Variants in ALDH18A1 observed in about 807,000 individuals in gnomAD.
The protein encoded by ALDH18A1 is aldehyde dehydrogenase 18 family member A1, also known as delta-1-pyrroline-5-carboxylate synthase.
ALDH18A1 carries 44 observed loss-of-function variants against 88.8 expected under a neutral mutation model. The observed-to-expected ratio is 0.50, with a 90% CI of 0.39 to 0.64. The LOEUF (loss-of-function observed/expected upper bound fraction) is 0.64. Ranked by LOEUF, ALDH18A1 falls within the 30% of genes least tolerant of loss-of-function variation. The pLI is 0.00. For synonymous variants in ALDH18A1, 331 were observed against 372.1 expected, an observed-to-expected ratio of 0.89 and a Z score of 1.27; for missense variants, 782 against 1,009.5, an observed-to-expected ratio of 0.77 and a Z score of 3.05.
rs1342736341 is a variant in ALDH18A1 at position 95,633,597 on chromosome 10, T to C, written c.611A>G (p.Asn204Ser). 1.1e-5 allele frequency: 17 copies of C among 1,613,990 alleles called. No homozygotes were observed. The highest frequency in any genetic ancestry group is 2.2e-5 in the East Asian group (1 of 44,896). Residue 204 changes from asparagine (N) to serine (S), a missense_variant, in exon 6 of 18, where the codon AAT becomes AGT. Around this residue, in one of 3 missense-constraint regions of ALDH18A1, gnomAD observed 132 missense variants for 255.5 expected, o/e 0.52. Transcript: ENST00000371224. The stretch of plus-strand genomic sequence containing the variant: ...TCTAAGGAGTTCATGAAGTGTTCCA[T>C]TGAGGTTCCGGCGCTTCTGCTCATC... Reference protein sequence around the residue: ...FHDEQKRRNLNGTLHELLRMN... With the variant: ...FHDEQKRRNLSGTLHELLRMN...
At chr10:95,621,614 A>G (rs1334550750) in intron 11 of ALDH18A1, among the ~76,000 whole-genome samples, 1 of 151,944 alleles carries the variant, frequency 6.6e-6, no homozygotes, top group Non-Finnish European at 1.5e-5. Context: ...GCCTGGCCCA[A>G]CTGATGTGTC....
intron 3 of ALDH18A1, among the ~76,000 whole-genome samples, chr10:95,642,418 A>T (rs1381509539): frequency 6.6e-6 from 1 of 152,194 alleles, no homozygotes; most frequent in African/African-American, 2.4e-5. Context: ...GTTGGAAACC[A>T]GCCTGAGCAA....
chr10:95,653,295 C>G lies in ALDH18A1; in HGVS notation c.83G>C (p.Arg28Thr). 1.2e-6 allele frequency: 2 copies of G among 1,611,966 alleles called. No individual in the cohort carries two copies. Among genetic ancestry groups the G allele is most frequent in the Non-Finnish European group, 1.7e-6 (2 of 1,179,376 alleles). Residue 28 changes from arginine (R) to threonine (T), a missense_variant, in exon 2 of 18, where the codon AGA (arginine) becomes ACA (threonine). Arg to Thr is a moderately conservative substitution (Grantham distance 71). Coordinates refer to ENST00000371224, the MANE Select transcript of ALDH18A1 (RefSeq NM_002860.4). ...AAGTTTTCTATGGTACATACGAGAT[C>G]TGAAGACGGTTGTACACTTGACCCA... Reference protein sequence around the residue: ...LPWVKCTTVFRSHCIQPSVIR... With the variant: ...LPWVKCTTVFTSHCIQPSVIR...
chr10:95,618,116 G>A (rs2097846849), intron 12 of ALDH18A1, among the ~76,000 whole-genome samples: 1 of 152,092 alleles, frequency 6.6e-6, no homozygotes, highest in African/African-American at 2.4e-5. Context: ...GAGACTTTGG[G>A]GCTAGTGCAA....
chr10:95,616,782 T>A (rs1026246503), intron 12 of ALDH18A1, 168 bp from the exon 13 acceptor site: 5 of 918,912 alleles, frequency 5.4e-6, no homozygotes, highest in Middle Eastern at 5.8e-4. Flanking sequence ...GCCTGTTTTA[T>A]CCCCTACTTT....
At chr10:95,636,163 CAG>C (rs2097880258) in intron 5 of ALDH18A1, among the ~76,000 whole-genome samples, 1 of 152,068 alleles carries the variant, frequency 6.6e-6, no homozygotes, top group Non-Finnish European at 1.5e-5. Flanking sequence ...AAAAAAGTAA[CAG>C]GAAATGAAGA....
At chr10:95,653,208 T>C in intron 2 of ALDH18A1, 82 bp downstream of exon 2, 5 of 1,321,438 alleles carry the variant, frequency 3.8e-6, no homozygotes, top group Non-Finnish European at 5.5e-6. Context: ...AACAAACATC[T>C]TTTTTCTCTT....
At chr10:95,649,834 T>C (rs1018862477) in intron 2 of ALDH18A1, among the ~76,000 whole-genome samples, 3 of 151,472 alleles carry the variant, frequency 2.0e-5, no homozygotes, top group Non-Finnish European at 2.9e-5. Context: ...TGAGTAATGA[T>C]TGCACCACTG....
intron 5 of ALDH18A1, among the ~76,000 whole-genome samples, chr10:95,635,705 G>A (rs1012056156): frequency 6.6e-6 from 1 of 152,202 alleles, no homozygotes; most frequent in African/African-American, 2.4e-5. Context: ...GGGAACTGGA[G>A]GGGGCAGGGC....
chr10:95,621,749 C>A (rs893842617), intron 11 of ALDH18A1, among the ~76,000 whole-genome samples: 1 of 152,010 alleles, frequency 6.6e-6, no homozygotes, highest in African/African-American at 2.4e-5. Flanking sequence ...AAGCTGTGTA[C>A]CCTGATACCC....
intron 13 of ALDH18A1, among the ~76,000 whole-genome samples, chr10:95,615,921 G>C (rs2097843426): frequency 6.6e-6 from 1 of 152,186 alleles, no homozygotes; most frequent in South Asian, 2.1e-4. Context: ...TGGGACTGCT[G>C]TGACGATCAA....
intron 5 of ALDH18A1, among the ~76,000 whole-genome samples, 187 bp from the exon 6 acceptor site, chr10:95,633,836 A>ATTTTTT (rs2097875581): frequency 2.0e-5 from 1 of 48,876 alleles, no homozygotes; most frequent in Admixed American, 2.1e-4. Context: ...TTTTTTTTTG[A>ATTTTTT]GACAGGGTCT....
At position 95,626,632 on chromosome 10, in the gene ALDH18A1, T is replaced by C. The variant is rs534968225; in HGVS notation, c.1152+71A>G. 2.1e-6 allele frequency: 3 copies of C among 1,451,524 alleles called. No homozygotes were observed. The East Asian group carries it at 6.9e-5, about 33-fold the overall frequency. The allele number at this position is 1,451,524 out of a possible 1,614,324, so 89.9% of individuals were successfully genotyped here. On this transcript the variant is annotated intron_variant, in intron 10 of 17. Transcript: ENST00000371224. Reference sequence around the variant, plus strand: ...TAGGAATAAAGATGGAGTCAGCAGGTTTGACTCCTGTAACTACACAGCATG... The same window carrying C: ...TAGGAATAAAGATGGAGTCAGCAGGCTTGACTCCTGTAACTACACAGCATG...
intron 12 of ALDH18A1, among the ~76,000 whole-genome samples, chr10:95,620,733 T>C (rs1362777622): frequency 5.1e-5 from 7 of 136,974 alleles, no homozygotes; most frequent in African/African-American, 2.0e-4. Context: ...AGGTGGGAAC[T>C]GAACAATGAG....
chr10:95,621,080 A>G lies in ALDH18A1; in HGVS notation c.1418T>C (p.Ile473Thr), dbSNP rs2097851609. The change falls in exon 12 of 18, where the codon ATT becomes ACT. Residue 473 changes from isoleucine to threonine, a missense_variant. By Grantham distance (89) the Ile-to-Thr change is moderately conservative (BLOSUM62 -1). Coordinates refer to ENST00000371224, the MANE Select transcript of ALDH18A1 (RefSeq NM_002860.4). ...TTCAAAGATCACCAGCAGAACTCCA[A>G]TTGGGACAGTCACTTGTTCCAGTTC... The part of the protein sequence containing the change: ...NLELEQVTVP[I>T]GVLLVIFESR... 2 of 1,614,178 alleles carry G rather than the reference A, an allele frequency of 1.2e-6. No individual in the cohort carries two copies. The highest frequency in any genetic ancestry group is 1.7e-6 in the Non-Finnish European group (2 of 1,180,026).
chr10:95,626,224 G>A (rs777806943), intron 10 of ALDH18A1, among the ~76,000 whole-genome samples: 5 of 152,092 alleles, frequency 3.3e-5, no homozygotes, highest in Non-Finnish European at 7.4e-5. Context: ...ACCCCTGGGG[G>A]ACTAGCTCCC....
intron 12 of ALDH18A1, among the ~76,000 whole-genome samples, chr10:95,617,947 T>G (rs111945276): frequency 3.5e-4 from 53 of 152,292 alleles, no homozygotes; most frequent in Non-Finnish European, 5.1e-4. Context: ...AGCCAGGGAC[T>G]GAGGATAGGC....
Position 95,616,520 on chromosome 10 carries a change from T to C in ALDH18A1, c.1562A>G (p.Gln521Arg), listed in dbSNP as rs1444799129. 2 of 1,579,638 alleles carry C rather than the reference T, an allele frequency of 1.3e-6. No individual in the cohort carries two copies. The highest frequency in any genetic ancestry group is 2.3e-5 in the East Asian group (1 of 43,974). The part of the protein sequence containing the change: ...HSNRILHLLT[Q>R]EALSIHGVKE... ...GACTCCATGGATTGAGAGAGCCTCC[T>C]GGGTCAGGAGGTGGAGAATCCGGTT... is the stretch of plus-strand genomic sequence containing the variant. The change falls in exon 13 of 18, where the codon CAG becomes CGG. Residue 521 changes from glutamine to arginine, a missense_variant. Gln to Arg is a conservative substitution (Grantham distance 43). Around this residue, in one of 3 missense-constraint regions of ALDH18A1, gnomAD observed 556 missense variants for 654.5 expected, o/e 0.85. Coordinates refer to ENST00000371224, the MANE Select transcript of ALDH18A1 (RefSeq NM_002860.4).
At chr10:95,619,053 A>G (rs1049009642) in intron 12 of ALDH18A1, among the ~76,000 whole-genome samples, 13 of 152,156 alleles carry the variant, frequency 8.5e-5, no homozygotes, top group Admixed American at 6.5e-5. Flanking sequence ...CACACACACA[A>G]TTGTCTTTGG....
Sources: allele counts gnomAD v4.1 joint callset (sites outside exome capture counted in the v4.1 genomes callset), GRCh38; gene constraint gnomAD v4.1.1; regional missense constraint gnomAD v4.1.1; transcripts MANE v1.5; gene names NCBI Gene and HGNC (gene_info 2026-07-23, HGNC 2026-07-21).